Variants in ADGRL3 observed in about 807,000 individuals in gnomAD.
ADGRL3 encodes adhesion G protein-coupled receptor L3, also known as calcium-independent alpha-latrotoxin receptor 3.
A neutral mutation model predicts 153.5 loss-of-function variants in ADGRL3; 62 were observed. The ratio of observed to expected loss-of-function variants is 0.40; its 90% CI spans 0.33 to 0.50. The LOEUF (loss-of-function observed/expected upper bound fraction) is 0.50. Ranked by LOEUF, ADGRL3 falls within the 20% of genes least tolerant of loss-of-function variation. The pLI is 0.47. For synonymous variants in ADGRL3, 710 were observed against 672.5 expected, an observed-to-expected ratio of 1.06 and a Z score of -0.86; for missense variants, 1,641 against 1,859.4, an observed-to-expected ratio of 0.88 and a Z score of 2.16.
At chr4:61,678,420 C>T (rs993013998) in intron 6 of ADGRL3, among the ~76,000 whole-genome samples, 2 of 151,862 alleles carry the variant, frequency 1.3e-5, no homozygotes, top group African/African-American at 2.4e-5. Flanking sequence ...AAGAATTTCA[C>T]GGCTGTCTCT....
Position 61,938,040 on chromosome 4 carries a change from A to G in ADGRL3, c.2419+1995A>G, listed in dbSNP as rs187844608. On this transcript the variant is annotated intron_variant, in intron 15 of 26. Transcript: ENST00000683033. ...CCATAGTGCTGGGATTGCAGGCATA[A>G]GTCATCACACCCAGCCTGTTTTTGT... Among the ~76,000 whole-genome samples the G allele has an allele frequency of 1.6e-3, 236 of 152,166 alleles. 1 individual carries two copies. Among genetic ancestry groups the G allele is most frequent in the African/African-American group, 5.6e-3 (233 of 41,540 alleles).
intron 20 of ADGRL3, among the ~76,000 whole-genome samples, 193 bp downstream of exon 20, chr4:61,996,550 G>T (rs2099122371): frequency 6.6e-6 from 1 of 152,136 alleles, no homozygotes; most frequent in Non-Finnish European, 1.5e-5. Context: ...CAAAACAGGT[G>T]GGAGAAGAAA....
At chr4:61,273,807 A>G (rs1393412818) in intron 1 of ADGRL3, among the ~76,000 whole-genome samples, 1 of 152,154 alleles carries the variant, frequency 6.6e-6, no homozygotes. Flanking sequence ...AGTCTTAATT[A>G]CATTTTGTGT....
At chr4:61,421,718 G>A (rs916930479) in intron 2 of ADGRL3, among the ~76,000 whole-genome samples, 8 of 151,744 alleles carry the variant, frequency 5.3e-5, no homozygotes, top group African/African-American at 9.7e-5. Flanking sequence ...TATTGTGATC[G>A]GTACCATTAA....
intron 5 of ADGRL3, among the ~76,000 whole-genome samples, chr4:61,591,217 A>G (rs757912813): frequency 6.6e-6 from 1 of 152,100 alleles, no homozygotes; most frequent in Non-Finnish European, 1.5e-5. Context: ...TCTCTCATGT[A>G]ATGATTTATT....
intron 2 of ADGRL3, among the ~76,000 whole-genome samples, chr4:61,466,842 C>T (rs2097890609): frequency 6.6e-6 from 1 of 151,904 alleles, no homozygotes; most frequent in African/African-American, 2.4e-5. Flanking sequence ...AGACAAGCTC[C>T]TAGAATTTTT....
chr4:62,003,798 C>T (rs1193421433), intron 21 of ADGRL3, among the ~76,000 whole-genome samples: 1 of 151,958 alleles, frequency 6.6e-6, no homozygotes, highest in Non-Finnish European at 1.5e-5. Flanking sequence ...TTAAGCCAAA[C>T]TTATCTTATT....
At chr4:61,596,418 G>A (rs1393950141) in intron 5 of ADGRL3, among the ~76,000 whole-genome samples, 1 of 152,108 alleles carries the variant, frequency 6.6e-6, no homozygotes, top group African/African-American at 2.4e-5. Context: ...AAATGAAAGT[G>A]TATTTTTACT....
chr4:61,535,642 AT>A (rs1037322063), intron 4 of ADGRL3, among the ~76,000 whole-genome samples: 3 of 151,192 alleles, frequency 2.0e-5, no homozygotes, highest in East Asian at 1.9e-4. Context: ...TCAGGATTGT[AT>A]TTTTTTTCCT....
chr4:61,748,564 CAACT>C (rs963808624), intron 8 of ADGRL3, among the ~76,000 whole-genome samples: 10 of 152,260 alleles, frequency 6.6e-5, no homozygotes, highest in Non-Finnish European at 1.5e-4. Flanking sequence ...TGCATATCTA[CAACT>C]ATCTGATCTT....
At chr4:61,296,585 T>A (rs2094421857) in intron 1 of ADGRL3, among the ~76,000 whole-genome samples, 1 of 152,190 alleles carries the variant, frequency 6.6e-6, no homozygotes, top group African/African-American at 2.4e-5. Flanking sequence ...TGGATTAGAA[T>A]TAAGGGATTT....
chr4:61,985,432 T>G (rs1359787086), intron 19 of ADGRL3, among the ~76,000 whole-genome samples: 1 of 151,994 alleles, frequency 6.6e-6, no homozygotes, highest in African/African-American at 2.4e-5. Context: ...AGCTTTGAAA[T>G]GAACACTATG....
chr4:61,838,988 T>G (rs2097980744), intron 9 of ADGRL3, among the ~76,000 whole-genome samples: 1 of 152,162 alleles, frequency 6.6e-6, no homozygotes, highest in South Asian at 2.1e-4. Flanking sequence ...TAAGGAGTCC[T>G]GTTGATAGAG....
chr4:61,770,589 A>G (rs1487601324), intron 8 of ADGRL3, among the ~76,000 whole-genome samples: 1 of 152,194 alleles, frequency 6.6e-6, no homozygotes, highest in Non-Finnish European at 1.5e-5. Flanking sequence ...TGATATGAAC[A>G]GGAGAGATTT....
At chr4:61,321,927 A>T (rs1023338037) in intron 1 of ADGRL3, among the ~76,000 whole-genome samples, 6 of 152,158 alleles carry the variant, frequency 3.9e-5, no homozygotes, top group African/African-American at 1.4e-4. Flanking sequence ...GTTGTTACAT[A>T]GTTTTTTAAA....
chr4:62,043,883 G>C (rs892930113), intron 24 of ADGRL3, among the ~76,000 whole-genome samples: 1 of 151,986 alleles, frequency 6.6e-6, no homozygotes, highest in African/African-American at 2.4e-5. Context: ...TTCAAAGAAA[G>C]AAAAGTCAGG....
At chr4:61,678,439 C>G (rs904558207) in intron 6 of ADGRL3, among the ~76,000 whole-genome samples, 1 of 151,786 alleles carries the variant, frequency 6.6e-6, no homozygotes, top group African/African-American at 2.4e-5. Context: ...CTTCAATTTC[C>G]TGTATTACTT....
chr4:61,868,033 A>T (rs1004713898), intron 9 of ADGRL3, among the ~76,000 whole-genome samples: 1 of 152,256 alleles, frequency 6.6e-6, no homozygotes, highest in East Asian at 1.9e-4. Flanking sequence ...AATATTAGTT[A>T]TAGAAAATTC....
chr4:61,600,900 T>G (rs189029866), intron 5 of ADGRL3, among the ~76,000 whole-genome samples: 109 of 152,336 alleles, frequency 7.2e-4, no homozygotes, highest in Admixed American at 3.3e-3. Context: ...AATTATTTTC[T>G]TATATGACTT....
Sources: gnomAD v4.1 joint callset for allele counts (sites outside exome capture counted in the v4.1 genomes callset) on GRCh38, gnomAD v4.1.1 for gene constraint, MANE v1.5 for transcripts, NCBI Gene and HGNC (gene_info 2026-07-23, HGNC 2026-07-21) for gene names.